The following MACROD2 variants were observed in gnomAD, a reference collection of about 807,000 sequenced individuals.
MACROD2 encodes mono-ADP ribosylhydrolase 2.
In MACROD2, 36 loss-of-function variants were observed where a neutral mutation model predicts 70.4. The ratio of observed to expected loss-of-function variants is 0.51; its 90% CI spans 0.39 to 0.68. MACROD2 has a LOEUF of 0.68. Ranked by LOEUF, MACROD2 falls within the 30% of genes least tolerant of loss-of-function variation. MACROD2 has a pLI of 0.00. For synonymous variants in MACROD2, 172 were observed against 178.8 expected, an observed-to-expected ratio of 0.96 and a Z score of 0.30; for missense variants, 496 against 538.4, an observed-to-expected ratio of 0.92 and a Z score of 0.78.
intron 3 of MACROD2, among the ~76,000 whole-genome samples, chr20:14,157,500 T>C (rs2055119493): frequency 6.6e-6 from 1 of 152,080 alleles, no homozygotes; most frequent in Non-Finnish European, 1.5e-5. Context: ...TTGTACCCTC[T>C]AACTAACTGT....
chr20:15,229,928 T>C lies in MACROD2; in HGVS notation c.419-12T>C. 1 of 1,592,042 alleles carries C rather than the reference T, an allele frequency of 6.3e-7. No individual in the cohort carries two copies. The highest frequency in any genetic ancestry group is 1.4e-5 in the African/African-American group (1 of 73,880). On this transcript the variant is annotated splice_polypyrimidine_tract_variant and intron_variant, in intron 5 of 17. Coordinates refer to ENST00000684519, the MANE Select transcript of MACROD2 (RefSeq NM_001351661.2). ...TCGCTTATCCTCTTTTTCCTTCCTT[T>C]TGTATTTACAGATGTCATCCATACT...
At chr20:14,492,642 G>C (rs1328866021) in intron 3 of MACROD2, among the ~76,000 whole-genome samples, 1 of 152,050 alleles carries the variant, frequency 6.6e-6, no homozygotes, top group African/African-American at 2.4e-5. Context: ...GAGTTTGGTT[G>C]CTACCTACTT....
intron 8 of MACROD2, among the ~76,000 whole-genome samples, chr20:15,571,374 T>C (rs1256297758): frequency 6.6e-6 from 1 of 152,136 alleles, no homozygotes; most frequent in Non-Finnish European, 1.5e-5. Flanking sequence ...TACAGATGTA[T>C]CTCTGTAGAT....
At chr20:15,986,042 A>G (rs2066478038) in intron 13 of MACROD2, 1 of 152,194 alleles carries the variant, frequency 6.6e-6, no homozygotes, top group African/African-American at 2.4e-5. Flanking sequence ...TCTTCTATAC[A>G]ATGTCTGGAA....
intron 5 of MACROD2, among the ~76,000 whole-genome samples, chr20:15,209,338 T>G (rs2076740954): frequency 6.6e-6 from 1 of 152,110 alleles, no homozygotes; most frequent in African/African-American, 2.4e-5. Context: ...TAGTTATAGT[T>G]AGCAGGAGGA....
intron 6 of MACROD2, among the ~76,000 whole-genome samples, chr20:15,295,983 T>G (rs562294725): frequency 6.6e-6 from 1 of 152,334 alleles, no homozygotes; most frequent in Admixed American, 6.5e-5. Context: ...AGCACAATCC[T>G]ATAAAATCCC....
chr20:15,178,969 T>C (rs552583921), intron 5 of MACROD2, among the ~76,000 whole-genome samples: 6 of 152,166 alleles, frequency 3.9e-5, no homozygotes, highest in South Asian at 4.2e-4. Flanking sequence ...TAAGGGAGGA[T>C]TGGGCAAGAT....
intron 8 of MACROD2, among the ~76,000 whole-genome samples, chr20:15,618,555 T>C (rs2049075242): frequency 6.7e-6 from 1 of 148,388 alleles, no homozygotes. Context: ...AAGATTTCAT[T>C]GAGATTTCTC....
chr20:15,509,619 T>C (rs1026562634), intron 8 of MACROD2, among the ~76,000 whole-genome samples: 2 of 152,178 alleles, frequency 1.3e-5, no homozygotes, highest in African/African-American at 4.8e-5. Flanking sequence ...GGAATGGGAA[T>C]TGTGGCTCCT....
At chr20:15,010,940 G>A (rs1315639293) in intron 5 of MACROD2, among the ~76,000 whole-genome samples, 1 of 152,090 alleles carries the variant, frequency 6.6e-6, no homozygotes, top group Non-Finnish European at 1.5e-5. Context: ...CAGTGAACCT[G>A]GTTTTACTTG....
At chr20:14,415,771 A>G (rs2083797077) in intron 3 of MACROD2, among the ~76,000 whole-genome samples, 1 of 152,212 alleles carries the variant, frequency 6.6e-6, no homozygotes, top group African/African-American at 2.4e-5. Flanking sequence ...TTTCAGCAAC[A>G]GGTGTAAGGC....
At chr20:15,769,764 T>A (rs1197712333) in intron 8 of MACROD2, among the ~76,000 whole-genome samples, 1 of 152,194 alleles carries the variant, frequency 6.6e-6, no homozygotes, top group Non-Finnish European at 1.5e-5. Context: ...TAACACTGAA[T>A]CTCCATATTT....
intron 3 of MACROD2, among the ~76,000 whole-genome samples, chr20:14,201,570 G>C (rs2081479741): frequency 2.6e-5 from 4 of 152,110 alleles, no homozygotes; most frequent in Admixed American, 2.6e-4. Context: ...AGACAGGCGT[G>C]GTGGCTCACG....
chr20:15,490,054 A>C (rs780246355), intron 7 of MACROD2, among the ~76,000 whole-genome samples: 7 of 152,038 alleles, frequency 4.6e-5, no homozygotes, highest in Non-Finnish European at 7.4e-5. Flanking sequence ...TGCAAGTCCA[A>C]ACTGCCTTAC....
rs1272153614 is a variant in MACROD2 at position 14,597,036 on chromosome 20, T to A, written c.302-87807T>A. Among the ~76,000 whole-genome samples, 5 of 152,210 alleles carry A rather than the reference T, an allele frequency of 3.3e-5. No individual in the cohort carries two copies. In the East Asian group the frequency reaches 9.6e-4, roughly 29 times the overall value. ...AAGTGTCATCTTTTCAAAATGACCG[T>A]TTTATCTTACAAATATCATTTGCAA... On this transcript the variant is annotated intron_variant, in intron 4 of 17. Coordinates refer to ENST00000684519, the MANE Select transcript of MACROD2 (RefSeq NM_001351661.2).
chr20:15,623,185 A>G (rs1455882346), intron 8 of MACROD2, among the ~76,000 whole-genome samples: 1 of 152,222 alleles, frequency 6.6e-6, no homozygotes, highest in Non-Finnish European at 1.5e-5. Flanking sequence ...ACCTGTCTGG[A>G]AACAAAACTG....
At chr20:16,043,196 G>A (rs2067331306) in intron 16 of MACROD2, among the ~76,000 whole-genome samples, 1 of 152,058 alleles carries the variant, frequency 6.6e-6, no homozygotes, top group African/African-American at 2.4e-5. Flanking sequence ...TTGGCCTAGA[G>A]AAGCTGGACA....
chr20:15,533,543 C>CTCT (rs2047833011), intron 8 of MACROD2, among the ~76,000 whole-genome samples: 1 of 119,048 alleles, frequency 8.4e-6, no homozygotes, highest in Non-Finnish European at 1.7e-5. Context: ...CTGTCTCTGT[C>CTCT]GCTCTCTCTC....
At chr20:15,130,904 G>A (rs551898783) in intron 5 of MACROD2, among the ~76,000 whole-genome samples, 38 of 152,062 alleles carry the variant, frequency 2.5e-4, no homozygotes, top group Non-Finnish European at 5.0e-4. Context: ...GAAGCCATAG[G>A]CACTGAATTG....
Sources: allele counts gnomAD v4.1 joint callset (sites outside exome capture counted in the v4.1 genomes callset), GRCh38; gene constraint gnomAD v4.1.1; transcripts MANE v1.5; gene names NCBI Gene and HGNC (gene_info 2026-07-23, HGNC 2026-07-21).